Variants in FBXW4 observed in about 807,000 individuals in gnomAD.
FBXW4 encodes F-box/WD repeat-containing protein 4.
FBXW4 carries 40 observed loss-of-function variants against 61.8 expected under a neutral mutation model. The observed-to-expected ratio is 0.65, with a 90% CI of 0.50 to 0.84. The LOEUF is 0.84. Ranked by LOEUF, FBXW4 falls within the 40% of genes least tolerant of loss-of-function variation. FBXW4 has a pLI of 0.00. For missense variants in FBXW4, 672 were observed against 753.8 expected (o/e 0.89, Z 1.27); for synonymous variants, 311 against 313.8 (o/e 0.99, Z 0.10).
intron 5 of FBXW4, among the ~76,000 whole-genome samples, chr10:101,657,178 A>G (rs1173635541): frequency 6.6e-6 from 1 of 152,106 alleles, no homozygotes; most frequent in South Asian, 2.1e-4. Flanking sequence ...CCCTGTGGAA[A>G]ATGTCCTGGC....
At chr10:101,671,450 C>T (rs1458080636) in intron 4 of FBXW4, among the ~76,000 whole-genome samples, 1 of 151,970 alleles carries the variant, frequency 6.6e-6, no homozygotes, top group African/African-American at 2.4e-5. Flanking sequence ...TGAAATTAAC[C>T]CAGTATCTCA....
intron 5 of FBXW4, among the ~76,000 whole-genome samples, chr10:101,659,024 C>T (rs1379673641): frequency 6.6e-6 from 1 of 151,864 alleles, no homozygotes; most frequent in East Asian, 2.0e-4. Context: ...ACAGATCAAA[C>T]CCCAAGCCGA....
At chr10:101,624,156 AG>A (rs2134816656) in intron 6 of FBXW4, among the ~76,000 whole-genome samples, 1 of 152,230 alleles carries the variant, frequency 6.6e-6, no homozygotes, top group East Asian at 1.9e-4. Flanking sequence ...GGATGGTACC[AG>A]GGTCTATTTC....
At chr10:101,690,503 GT>G (rs2064585972) in intron 1 of FBXW4, among the ~76,000 whole-genome samples, 1 of 152,098 alleles carries the variant, frequency 6.6e-6, no homozygotes, top group Admixed American at 6.5e-5. Context: ...ATCTATTAGT[GT>G]TCACTGTTCG....
At chr10:101,691,021 C>A (rs1017012248) in intron 1 of FBXW4, among the ~76,000 whole-genome samples, 1 of 152,112 alleles carries the variant, frequency 6.6e-6, no homozygotes, top group African/African-American at 2.4e-5. Flanking sequence ...CCTCATTTTA[C>A]CAGGCAAGGT....
chr10:101,629,627 G>A (rs543005539), intron 5 of FBXW4, among the ~76,000 whole-genome samples: 2 of 151,990 alleles, frequency 1.3e-5, no homozygotes, highest in South Asian at 4.2e-4. Context: ...GGCTTTGGGA[G>A]GTAATTAATT....
At position 101,611,275 on chromosome 10, in the gene FBXW4, G is replaced by C. The variant is rs773599578; in HGVS notation, c.*16C>G. The C allele has an allele frequency of 6.2e-7, 1 of 1,611,658 alleles. No homozygotes were observed. The highest frequency in any genetic ancestry group is 1.1e-5 in the South Asian group (1 of 90,610). On this transcript the variant is annotated 3_prime_UTR_variant, in exon 9 of 9. Transcript: ENST00000331272. This position sits in a 1 kb window ranked among gnomAD's most constrained non-coding sequence, Gnocchi z 4.9. ...AGCTGGTTTCCCTGGCCCAGAGGCA[G>C]GGGTGGCCCTGACGGTCATGGGTTT...
At chr10:101,634,703 T>G (rs1202689539) in intron 5 of FBXW4, among the ~76,000 whole-genome samples, 1 of 147,852 alleles carries the variant, frequency 6.8e-6, no homozygotes, top group African/African-American at 2.5e-5. Context: ...AAAAAAAAAT[T>G]AGAAGCCTAC....
At chr10:101,629,644 A>G (rs997111244) in intron 5 of FBXW4, among the ~76,000 whole-genome samples, 1 of 151,996 alleles carries the variant, frequency 6.6e-6, no homozygotes, top group Non-Finnish European at 1.5e-5. Flanking sequence ...AATTTGCTCT[A>G]GCTCACACAG....
In FBXW4 at chr10:101,611,276, G is replaced by A. The variant is rs1413707047; in HGVS notation, c.*15C>T. 3.1e-6 allele frequency: 5 copies of A among 1,611,860 alleles called. No individual in the cohort carries two copies. Among genetic ancestry groups the A allele is most frequent in the Non-Finnish European group, 4.2e-6 (5 of 1,179,206 alleles). ...GCTGGTTTCCCTGGCCCAGAGGCAG[G>A]GGTGGCCCTGACGGTCATGGGTTTT... On this transcript the variant is annotated 3_prime_UTR_variant, in exon 9 of 9. Transcript: ENST00000331272. The surrounding 1 kb of genome is among the most constrained non-coding windows in gnomAD (Gnocchi z 4.9).
intron 5 of FBXW4, among the ~76,000 whole-genome samples, chr10:101,633,962 A>C (rs1427934806): frequency 5.9e-5 from 9 of 151,850 alleles, no homozygotes; most frequent in Non-Finnish European, 1.3e-4. Flanking sequence ...TATATATATA[A>C]ATTAGCCAGG....
intron 5 of FBXW4, among the ~76,000 whole-genome samples, chr10:101,663,636 CAAA>C (rs201279739): frequency 2.2e-5 from 3 of 135,016 alleles, no homozygotes; most frequent in Admixed American, 7.5e-5. Flanking sequence ...GACCCTGTCT[CAAA>C]AAAAAAAAAA....
intron 5 of FBXW4, among the ~76,000 whole-genome samples, chr10:101,627,569 G>A (rs2063917517): frequency 6.6e-6 from 1 of 152,084 alleles, no homozygotes; most frequent in Non-Finnish European, 1.5e-5. Context: ...GGAAGAATGA[G>A]CAAAAGCTAC....
At chr10:101,686,916 C>T (rs775033563) in intron 1 of FBXW4, among the ~76,000 whole-genome samples, 2 of 152,060 alleles carry the variant, frequency 1.3e-5, no homozygotes, top group Non-Finnish European at 2.9e-5. Flanking sequence ...ACATACCACC[C>T]ATATCTGAAC....
chr10:101,614,883 C>T (rs1405796864), intron 6 of FBXW4, among the ~76,000 whole-genome samples: 22 of 152,034 alleles, frequency 1.4e-4, no homozygotes. Context: ...ACAGAAATGG[C>T]ACCGTGGGCC....
intron 5 of FBXW4, among the ~76,000 whole-genome samples, chr10:101,665,838 T>C (rs140668651): frequency 6.6e-6 from 1 of 152,242 alleles, no homozygotes; most frequent in Non-Finnish European, 1.5e-5. Context: ...TAGAGAAATG[T>C]TGGGTAGGGA....
chr10:101,633,802 T>C (rs949521777), intron 5 of FBXW4, among the ~76,000 whole-genome samples: 1 of 152,086 alleles, frequency 6.6e-6, no homozygotes, highest in African/African-American at 2.4e-5. Flanking sequence ...AATAACCAAT[T>C]GCAACCAAAA....
intron 1 of FBXW4, among the ~76,000 whole-genome samples, chr10:101,690,154 C>A (rs1237544543): frequency 6.6e-6 from 1 of 152,126 alleles, no homozygotes; most frequent in Non-Finnish European, 1.5e-5. Context: ...CCATTATTTG[C>A]GTTTGTTAAT....
Position 101,649,238 on chromosome 10 carries a change from A to G in FBXW4, c.1235+18648T>C, listed in dbSNP as rs564687512. ...TTCTATGATTTCATCTCTCTCCTCC[A>G]TCAAGTTTGCATTTAAAGGTTATGA... On this transcript the variant is annotated intron_variant, in intron 5 of 8. Coordinates refer to ENST00000331272, the MANE Select transcript of FBXW4 (RefSeq NM_022039.4). Among the ~76,000 whole-genome samples, 9 of 152,182 alleles carry G rather than the reference A, an allele frequency of 5.9e-5. No homozygotes were observed. The South Asian group carries it at 1.7e-3, about 28-fold the overall frequency.
Sources: gnomAD v4.1 joint callset for allele counts (sites outside exome capture counted in the v4.1 genomes callset) on GRCh38, gnomAD v4.1.1 for gene constraint, Gnocchi (gnomAD v3.1) non-coding constraint, MANE v1.5 for transcripts, NCBI Gene and HGNC (gene_info 2026-07-23, HGNC 2026-07-21) for gene names.